ZBTB7C: variants seen among roughly 807,000 people sequenced by gnomAD.
The protein encoded by ZBTB7C is zinc finger and BTB domain-containing protein 7C.
Under a neutral mutation model 25.7 loss-of-function variants are expected in ZBTB7C, and 8 were observed. That is an observed-to-expected ratio of 0.31 (90% CI 0.18 to 0.56). ZBTB7C has a LOEUF of 0.56. Among genes scored for constraint, ZBTB7C ranks in the 20% least tolerant of loss-of-function variants. The pLI is 0.91. For missense variants in ZBTB7C, 824 were observed against 855.2 expected, an observed-to-expected ratio of 0.96 and a Z score of 0.46; for synonymous variants, 394 against 369.0, an observed-to-expected ratio of 1.07 and a Z score of -0.78.
intron 2 of ZBTB7C, among the ~76,000 whole-genome samples, chr18:48,186,354 C>T (rs934465313): frequency 1.3e-5 from 2 of 152,266 alleles, no homozygotes; most frequent in African/African-American, 4.8e-5. Context: ...GCGCGTGCAG[C>T]TCGGAAGGCC....
chr18:48,340,094 CT>C (rs899968796), intron 1 of ZBTB7C, among the ~76,000 whole-genome samples: 9 of 152,204 alleles, frequency 5.9e-5, no homozygotes, highest in Non-Finnish European at 1.0e-4. Context: ...ATGAAAACAA[CT>C]CATAGAAGTC....
intron 1 of ZBTB7C, among the ~76,000 whole-genome samples, chr18:48,341,345 A>C (rs2046595386): frequency 6.6e-6 from 1 of 152,230 alleles, no homozygotes; most frequent in Admixed American, 6.5e-5. Context: ...CTCAGGCTGT[A>C]GGAGGCAAGG....
At position 48,040,450 on chromosome 18, in the gene ZBTB7C, C is replaced by T; in HGVS notation, c.658G>A (p.Gly220Arg). 1 of 1,607,370 alleles carries T rather than the reference C, an allele frequency of 6.2e-7. No individual in the cohort carries two copies. Among genetic ancestry groups the T allele is most frequent in the South Asian group, 1.1e-5 (1 of 89,720 alleles). ...SFQAGSPGHLGVIRDFSIESL... is the reference protein window; with the variant it reads ...SFQAGSPGHLRVIRDFSIESL... ...TCGATGGAGAAGTCCCGGATCACCC[C>T]CAGATGGCCAGGACTGCCAGCCTGG... The change falls in exon 4 of 5, where the codon GGG (glycine) becomes AGG (arginine). Residue 220 changes from glycine (G) to arginine (R), a missense_variant. Gly to Arg is a moderately radical substitution (Grantham distance 125). This residue lies in a region of ZBTB7C where 316 missense variants were observed against 299.2 expected (regional missense o/e 1.06). Transcript: ENST00000590800.
chr18:48,074,515 A>G (rs1241856648), intron 3 of ZBTB7C, among the ~76,000 whole-genome samples: 1 of 152,236 alleles, frequency 6.6e-6, no homozygotes, highest in Non-Finnish European at 1.5e-5. Flanking sequence ...CACCAAGGGA[A>G]CCATCAGAGA....
At chr18:48,061,612 A>G (rs1430478568) in intron 3 of ZBTB7C, among the ~76,000 whole-genome samples, 2 of 152,254 alleles carry the variant, frequency 1.3e-5, no homozygotes, top group Non-Finnish European at 2.9e-5. Context: ...GAATCGATTC[A>G]ACACAAATGT....
At chr18:48,204,994 G>A (rs181543321) in intron 2 of ZBTB7C, among the ~76,000 whole-genome samples, 1 of 152,138 alleles carries the variant, frequency 6.6e-6, no homozygotes, top group Non-Finnish European at 1.5e-5. Context: ...AGCCCAGCTT[G>A]GGGGTGGAGT....
At chr18:48,158,880 G>A (rs1237902525) in intron 3 of ZBTB7C, among the ~76,000 whole-genome samples, 2 of 152,178 alleles carry the variant, frequency 1.3e-5, no homozygotes, top group East Asian at 3.9e-4. Context: ...GCCGCTGGGG[G>A]AAGGGACAGG....
intron 3 of ZBTB7C, among the ~76,000 whole-genome samples, chr18:48,166,648 A>AG (rs1423897912): frequency 6.6e-6 from 1 of 152,166 alleles, no homozygotes; most frequent in Non-Finnish European, 1.5e-5. Flanking sequence ...GCAGCATGTT[A>AG]GGGGGCAAGA....
chr18:48,241,490 AATG>A (rs1279544666), intron 2 of ZBTB7C, among the ~76,000 whole-genome samples: 3 of 152,210 alleles, frequency 2.0e-5, no homozygotes, highest in African/African-American at 7.2e-5. Flanking sequence ...AGAAAACAGA[AATG>A]ATATCAAGTA....
chr18:48,402,291 G>A (rs1668120198), intron 1 of ZBTB7C, among the ~76,000 whole-genome samples: 1 of 151,696 alleles, frequency 6.6e-6, no homozygotes, highest in Non-Finnish European at 1.5e-5. Flanking sequence ...GTTACTTAAT[G>A]GGGACTGATT....
intron 2 of ZBTB7C, among the ~76,000 whole-genome samples, chr18:48,244,127 T>G (rs927761670): frequency 6.6e-6 from 1 of 152,196 alleles, no homozygotes. Context: ...ACAGAGTTCA[T>G]GACCAAGAAC....
chr18:48,061,261 A>G (rs2037115776), intron 3 of ZBTB7C, among the ~76,000 whole-genome samples: 1 of 152,196 alleles, frequency 6.6e-6, no homozygotes, highest in South Asian at 2.1e-4. Flanking sequence ...AGGATAAAAC[A>G]AAGGCTGGAT....
chr18:48,284,367 A>G (rs1261285133), intron 2 of ZBTB7C, among the ~76,000 whole-genome samples: 1 of 148,976 alleles, frequency 6.7e-6, no homozygotes, highest in Non-Finnish European at 1.5e-5. Flanking sequence ...TGAGCCCAGG[A>G]GGTCAAGGCT....
At chr18:48,358,121 C>G (rs1231429073) in intron 1 of ZBTB7C, among the ~76,000 whole-genome samples, 2 of 152,128 alleles carry the variant, frequency 1.3e-5, no homozygotes, top group African/African-American at 4.8e-5. Context: ...GAGGCCGAGG[C>G]GGGTGGATCA....
chr18:48,333,866 C>T (rs751877291), intron 2 of ZBTB7C, among the ~76,000 whole-genome samples: 16 of 152,226 alleles, frequency 1.1e-4, no homozygotes, highest in Non-Finnish European at 2.1e-4. Flanking sequence ...TGGACCCAAC[C>T]TTGAAAACAC....
intron 3 of ZBTB7C, among the ~76,000 whole-genome samples, chr18:48,056,022 A>G (rs2036902871): frequency 6.6e-6 from 1 of 152,236 alleles, no homozygotes; most frequent in Admixed American, 6.5e-5. Flanking sequence ...AAGGTTAAAA[A>G]GTAAAAAGAA....
intron 2 of ZBTB7C, among the ~76,000 whole-genome samples, chr18:48,241,630 T>C (rs368625183): frequency 2.6e-5 from 4 of 152,224 alleles, no homozygotes; most frequent in South Asian, 2.1e-4. Context: ...GAAATCAAGA[T>C]AGAAATTAAA....
intron 2 of ZBTB7C, among the ~76,000 whole-genome samples, chr18:48,194,359 T>C (rs7229378): frequency 0.15 from 22,417 of 152,176 alleles, 1,891 homozygotes; most frequent in African/African-American, 0.21. Flanking sequence ...TGGTGAAATA[T>C]GTGCATTTAT....
intron 3 of ZBTB7C, among the ~76,000 whole-genome samples, chr18:48,118,481 T>C (rs1423529186): frequency 6.6e-6 from 1 of 152,226 alleles, no homozygotes; most frequent in African/African-American, 2.4e-5. Context: ...GTGTTATAAA[T>C]ACATACATAT....
Sources: allele counts gnomAD v4.1 joint callset (sites outside exome capture counted in the v4.1 genomes callset), GRCh38; gene constraint gnomAD v4.1.1; regional missense constraint gnomAD v4.1.1; transcripts MANE v1.5; gene names NCBI Gene and HGNC (gene_info 2026-07-23, HGNC 2026-07-21).